SAMM50: variants seen among roughly 807,000 people sequenced by gnomAD.
SAMM50 encodes sorting and assembly machinery component 50 homolog.
A neutral mutation model predicts 66.9 loss-of-function variants in SAMM50; 47 were observed. That is an observed-to-expected ratio of 0.70 (90% CI 0.56 to 0.90). The LOEUF is 0.90. SAMM50 is among the 40% of genes least tolerant of loss of function. The probability of loss-of-function intolerance (pLI) is 0.00; values close to 1 mark genes in which losing one functional copy is unlikely to be tolerated. For synonymous variants in SAMM50, 191 were observed against 214.1 expected (o/e 0.89, Z 0.94); for missense variants, 535 against 595.3 (o/e 0.90, Z 1.05).
chr22:43,973,539 C>T (rs557170969), intron 7 of SAMM50, among the ~76,000 whole-genome samples: 5 of 152,314 alleles, frequency 3.3e-5, no homozygotes, highest in African/African-American at 1.2e-4. Context: ...TTAACCTGGT[C>T]CTGACTACCC....
intron 6 of SAMM50, 39 bp downstream of exon 6, chr22:43,973,040 T>C (rs777706750): frequency 7.6e-6 from 12 of 1,573,572 alleles, no homozygotes; most frequent in Non-Finnish European, 1.0e-5. Context: ...ACTGGCCTGA[T>C]AGAAAAGTTA....
chr22:43,994,390 C>A (rs553032787), intron 14 of SAMM50, among the ~76,000 whole-genome samples: 2 of 152,286 alleles, frequency 1.3e-5, no homozygotes, highest in African/African-American at 4.8e-5. Flanking sequence ...TTGTTCACCG[C>A]TGAGGTCCCC....
Position 43,983,868 on chromosome 22 carries a change from T to C in SAMM50, c.1008-65T>C. Reference sequence around the variant, plus strand: ...GAGTCTGACATGTGTTTCCTACGCGTTCCGTGTGTCATGTCGTTTCTCACC... The same window carrying C: ...GAGTCTGACATGTGTTTCCTACGCGCTCCGTGTGTCATGTCGTTTCTCACC... On this transcript the variant is annotated intron_variant, in intron 11 of 14. Transcript: ENST00000350028. This position sits in a 1 kb window ranked among gnomAD's most constrained non-coding sequence, Gnocchi z 4.2. The C allele has an allele frequency of 1.7e-6, 2 of 1,157,066 alleles. No individual in the cohort carries two copies. Among genetic ancestry groups the C allele is most frequent in the East Asian group, 2.5e-5 (1 of 40,610 alleles). 71.7% of individuals were successfully genotyped at this position (1,157,066 alleles called of 1,614,324 possible).
intron 10 of SAMM50, 121 bp from the exon 11 acceptor site, chr22:43,981,270 C>G: frequency 1.3e-6 from 1 of 755,946 alleles, no homozygotes; most frequent in East Asian, 2.7e-5. Flanking sequence ...GCGGCCCTTG[C>G]ACCCCATCGC....
intron 2 of SAMM50, among the ~76,000 whole-genome samples, chr22:43,963,696 T>A (rs900341345): frequency 6.6e-6 from 1 of 152,222 alleles, no homozygotes; most frequent in Non-Finnish European, 1.5e-5. Context: ...ATATTTCCAT[T>A]CCCTACTCCC....
intron 9 of SAMM50, among the ~76,000 whole-genome samples, 184 bp from the exon 10 acceptor site, chr22:43,977,688 C>T (rs1178630635): frequency 1.3e-5 from 2 of 152,218 alleles, no homozygotes; most frequent in African/African-American, 4.8e-5. Flanking sequence ...GCTGATCCTC[C>T]ATCCCAGTCC....
chr22:43,970,967 C>G (rs1282086269), intron 4 of SAMM50, among the ~76,000 whole-genome samples: 1 of 152,292 alleles, frequency 6.6e-6, no homozygotes, highest in Non-Finnish European at 1.5e-5. Context: ...GAGTTCGAGA[C>G]CAGCCTGGTC....
rs150984629 is a variant in SAMM50, at chr22:43,972,299, C to T, written c.386C>T (p.Thr129Met). The change falls in exon 5 of 15, where the codon ACG becomes ATG. Residue 129 changes from threonine (T) to methionine (M), a missense_variant. By Grantham distance (81) the Thr-to-Met change is moderately conservative (BLOSUM62 -1). Coordinates refer to ENST00000350028, the MANE Select transcript of SAMM50 (RefSeq NM_015380.5). The stretch of plus-strand genomic sequence containing the variant: ...GAAGTAACTGAATTGAGGAGATTAA[C>T]GGGCAGTTATAACACCATGGTTGGA... ...TFEVTELRRL[T>M]GSYNTMVGNN... 91 of 1,606,398 alleles carry T rather than the reference C, an allele frequency of 5.7e-5. No homozygotes were observed. The African/African-American group carries it at 7.8e-4, about 14-fold the overall frequency.
intron 13 of SAMM50, among the ~76,000 whole-genome samples, chr22:43,989,671 G>A (rs1210233417): frequency 2.6e-5 from 4 of 152,184 alleles, no homozygotes; most frequent in Non-Finnish European, 1.5e-5. Flanking sequence ...AGTCATTAAA[G>A]TTAGAGACTG....
intron 3 of SAMM50, among the ~76,000 whole-genome samples, chr22:43,965,928 T>G (rs941792740): frequency 5.9e-5 from 9 of 152,226 alleles, no homozygotes; most frequent in Non-Finnish European, 1.2e-4. Flanking sequence ...AGCCTAAACC[T>G]CTTGGGTTCA....
chr22:43,955,850 C>G (rs547041343), intron 1 of SAMM50, among the ~76,000 whole-genome samples: 1 of 152,244 alleles, frequency 6.6e-6, no homozygotes, highest in Admixed American at 6.5e-5. Context: ...GCCCAAAGGA[C>G]TTGCCAACTT....
At chr22:43,977,779 C>A in intron 9 of SAMM50, 93 bp from the exon 10 acceptor site, 2 of 850,954 alleles carry the variant, frequency 2.4e-6, no homozygotes, top group Non-Finnish European at 1.9e-6. Flanking sequence ...AAATACAAAA[C>A]GGCAAAATTA....
chr22:43,972,350 A>G lies in SAMM50; in HGVS notation c.429+8A>G. 6.7e-7 allele frequency: 1 copy of G among 1,501,252 alleles called. No homozygotes were observed. The highest frequency in any genetic ancestry group is 9.0e-7 in the Non-Finnish European group (1 of 1,108,942). The allele number at this position is 1,501,252 out of a possible 1,614,324, so 93.0% of individuals were successfully genotyped here. On this transcript the variant is annotated splice_region_variant and intron_variant, in intron 5 of 14. Coordinates refer to ENST00000350028, the MANE Select transcript of SAMM50 (RefSeq NM_015380.5). ...AACAATGAAGGCAGTATGGTATGCT[A>G]CAGGCTTTTTACTTTCTTATATTGG... is the stretch of plus-strand genomic sequence containing the variant.
At chr22:43,976,683 G>A in intron 8 of SAMM50, 67 bp from the exon 9 acceptor site, 1 of 1,191,458 alleles carries the variant, frequency 8.4e-7, no homozygotes, top group Non-Finnish European at 1.2e-6. Flanking sequence ...CCCACGTGCT[G>A]TGAGTGCTCA....
intron 3 of SAMM50, among the ~76,000 whole-genome samples, chr22:43,966,605 C>G (rs113818365): frequency 4.1e-4 from 63 of 152,252 alleles, no homozygotes; most frequent in African/African-American, 1.4e-3. Context: ...ATCCACCTGC[C>G]TCGGCCTGCC....
rs2050212302 is a variant in SAMM50, at chr22:43,973,081, T to C, written c.560+80T>C. ...GGTGGCTTATTTGTGAAAAGAACCA[T>C]GACAGAATCAGCTGCCACTTCTGCA... is the stretch of plus-strand genomic sequence containing the variant. On this transcript the variant is annotated intron_variant, in intron 6 of 14. Transcript: ENST00000350028. The C allele has an allele frequency of 5.9e-6, 9 of 1,533,372 alleles. No individual in the cohort carries two copies. In the Admixed American group the frequency reaches 1.6e-4, roughly 28 times the overall value. 95.0% of individuals were successfully genotyped at this position (1,533,372 alleles called of 1,614,324 possible).
intron 9 of SAMM50, 129 bp downstream of exon 9, chr22:43,976,950 G>A (rs1569030659): frequency 8.4e-6 from 5 of 594,890 alleles, no homozygotes; most frequent in African/African-American, 3.9e-5. Flanking sequence ...ATGCAGTATC[G>A]CTTTTGAAGG....
At chr22:43,968,537 C>G (rs565108643) in intron 3 of SAMM50, among the ~76,000 whole-genome samples, 194 bp from the exon 4 acceptor site, 109 of 152,306 alleles carry the variant, frequency 7.2e-4, no homozygotes, top group African/African-American at 2.6e-3. Context: ...TGGTTTTGCA[C>G]TTGTGAATGG....
At chr22:43,984,764 G>A (rs1047677129) in intron 12 of SAMM50, among the ~76,000 whole-genome samples, 2 of 151,946 alleles carry the variant, frequency 1.3e-5, no homozygotes, top group African/African-American at 4.8e-5. Context: ...GAGTAGCTGG[G>A]ATTACAGGCA....
Sources: gnomAD v4.1 joint callset for allele counts (sites outside exome capture counted in the v4.1 genomes callset) on GRCh38, gnomAD v4.1.1 for gene constraint, Gnocchi (gnomAD v3.1) non-coding constraint, MANE v1.5 for transcripts, NCBI Gene and HGNC (gene_info 2026-07-23, HGNC 2026-07-21) for gene names.